HCN1: variants seen among roughly 807,000 people sequenced by gnomAD.
The protein encoded by HCN1 is potassium/sodium hyperpolarization-activated cyclic nucleotide-gated channel 1.
In HCN1, 13 loss-of-function variants were observed where a neutral mutation model predicts 78.9. The ratio of observed to expected loss-of-function variants is 0.16; its 90% CI spans 0.11 to 0.26. The LOEUF (loss-of-function observed/expected upper bound fraction) is 0.26. HCN1 is among the 10% of genes least tolerant of loss of function. The pLI is 1.00. For synonymous variants in HCN1, 552 were observed against 455.5 expected (o/e 1.21, Z -2.70); for missense variants, 810 against 1,154.3 (o/e 0.70, Z 4.32).
chr5:45,616,438 T>G lies in HCN1; in HGVS notation c.849+28747A>C, dbSNP rs144874884. ...ACAAGGACAATAAACACTAATATCA[T>G]GTACTGATTTGGCTCCTGTATGTTA... On this transcript the variant is annotated intron_variant, in intron 2 of 7. Transcript: ENST00000303230. Among the ~76,000 whole-genome samples the G allele has an allele frequency of 8.8e-3, 1,333 of 152,140 alleles. 10 individuals are homozygous for G. Among genetic ancestry groups the G allele is most frequent in the Admixed American group, 0.015 (222 of 15,252 alleles).
intron 2 of HCN1, among the ~76,000 whole-genome samples, chr5:45,620,897 T>A (rs1305884368): frequency 6.6e-6 from 1 of 152,182 alleles, no homozygotes; most frequent in African/African-American, 2.4e-5. Context: ...GCATCTCTTA[T>A]GTGCCAGGCA....
At chr5:45,454,491 A>AAAAAAAAATAAAAAAAAAT (rs1740985092) in intron 3 of HCN1, among the ~76,000 whole-genome samples, 2 of 149,446 alleles carry the variant, frequency 1.3e-5, no homozygotes, top group East Asian at 4.0e-4. Context: ...AAAAAAAAAT[A>AAAAAAAAATAAAAAAAAAT]AAAAAAAATA....
chr5:45,532,065 A>C (rs1032699962), intron 2 of HCN1, among the ~76,000 whole-genome samples: 1 of 152,122 alleles, frequency 6.6e-6, no homozygotes, highest in African/African-American at 2.4e-5. Flanking sequence ...CAACCAAACA[A>C]AAGACATTTC....
intron 2 of HCN1, among the ~76,000 whole-genome samples, chr5:45,508,330 T>G (rs554090012): frequency 6.6e-6 from 1 of 151,968 alleles, no homozygotes; most frequent in Non-Finnish European, 1.5e-5. Flanking sequence ...ATCCAGGCTA[T>G]CCTCAATGTT....
intron 3 of HCN1, among the ~76,000 whole-genome samples, chr5:45,401,150 GT>G (rs1739795765): frequency 6.6e-6 from 1 of 152,112 alleles, no homozygotes; most frequent in South Asian, 2.1e-4. Context: ...AAGATTTTCA[GT>G]TTGATTTTAA....
At chr5:45,375,944 A>T (rs562455124) in intron 4 of HCN1, among the ~76,000 whole-genome samples, 44 of 115,916 alleles carry the variant, frequency 3.8e-4, no homozygotes, top group South Asian at 5.1e-4. Context: ...ATATTTTATC[A>T]CATATATTAT....
rs563934030 is a variant in HCN1, at chr5:45,272,584, C to T, written c.1619-5331G>A. ...TTACAGTGAATAAACATAAAACCCA[C>T]ACTAAGTTATCTTCTTAAGTTTTGG... On this transcript the variant is annotated intron_variant, in intron 6 of 7. Transcript: ENST00000303230. Among the ~76,000 whole-genome samples, 3 of 152,154 alleles carry T rather than the reference C, an allele frequency of 2.0e-5. No homozygotes were observed. The South Asian group carries it at 6.2e-4, about 31-fold the overall frequency.
chr5:45,497,094 A>C (rs1262673953), intron 2 of HCN1, among the ~76,000 whole-genome samples: 3 of 152,168 alleles, frequency 2.0e-5, no homozygotes, highest in East Asian at 1.9e-4. Context: ...CTGTTCTTTA[A>C]ATTTGCTGAG....
chr5:45,374,125 AAT>A (rs1469923590), intron 4 of HCN1, among the ~76,000 whole-genome samples: 1 of 106,200 alleles, frequency 9.4e-6, no homozygotes, highest in African/African-American at 3.7e-5. Context: ...TAATATATAT[AAT>A]ATATATTATA....
intron 2 of HCN1, among the ~76,000 whole-genome samples, chr5:45,493,169 A>G (rs1482790542): frequency 6.6e-6 from 1 of 152,116 alleles, no homozygotes; most frequent in African/African-American, 2.4e-5. Flanking sequence ...TTGCAGCTCA[A>G]CTGATTCTGG....
intron 6 of HCN1, among the ~76,000 whole-genome samples, chr5:45,281,835 G>A (rs1745176136): frequency 6.6e-6 from 1 of 151,522 alleles, no homozygotes. Flanking sequence ...CTCATGATCT[G>A]CCTGCCTCAG....
At chr5:45,538,616 T>TA (rs1743020761) in intron 2 of HCN1, among the ~76,000 whole-genome samples, 1 of 152,192 alleles carries the variant, frequency 6.6e-6, no homozygotes, top group Non-Finnish European at 1.5e-5. Context: ...TGAGTTTATT[T>TA]ACTTCATTTG....
At chr5:45,379,707 T>A (rs1747765174) in intron 4 of HCN1, among the ~76,000 whole-genome samples, 1 of 152,104 alleles carries the variant, frequency 6.6e-6, no homozygotes, top group Admixed American at 6.6e-5. Context: ...AATATTTTCA[T>A]GGAATGCATA....
chr5:45,606,207 G>A, intron 2 of HCN1, among the ~76,000 whole-genome samples: 1 of 151,890 alleles, frequency 6.6e-6, no homozygotes, highest in East Asian at 1.9e-4. Flanking sequence ...ATTAAACCTA[G>A]TGAAAAATAG....
intron 2 of HCN1, among the ~76,000 whole-genome samples, chr5:45,496,243 G>C (rs933777817): frequency 6.6e-6 from 1 of 151,846 alleles, no homozygotes; most frequent in African/African-American, 2.4e-5. Flanking sequence ...GACTCTTTTT[G>C]GTTGGTAAAC....
intron 5 of HCN1, among the ~76,000 whole-genome samples, chr5:45,343,654 C>A (rs529798837): frequency 6.6e-6 from 1 of 152,188 alleles, no homozygotes; most frequent in Admixed American, 6.5e-5. Flanking sequence ...AAAATGACTT[C>A]ATTATATAAT....
chr5:45,634,629 C>A (rs1745327161), intron 2 of HCN1, among the ~76,000 whole-genome samples: 1 of 151,952 alleles, frequency 6.6e-6, no homozygotes, highest in African/African-American at 2.4e-5. Context: ...TAATTACTGG[C>A]ACTCCTTGGT....
rs1441397858 is a variant in HCN1 at position 45,514,497 on chromosome 5, C to A, written c.850-52490G>T. Among the ~76,000 whole-genome samples, 4 of 152,082 alleles carry A rather than the reference C, an allele frequency of 2.6e-5. No individual in the cohort carries two copies. The South Asian group carries it at 8.3e-4, about 32-fold the overall frequency. The stretch of plus-strand genomic sequence containing the variant: ...TCAAATAAAAATTAAGACCAAATTT[C>A]TTGCCGAGTTCAAAACCTGGTACAA... On this transcript the variant is annotated intron_variant, in intron 2 of 7. Transcript: ENST00000303230.
intron 2 of HCN1, among the ~76,000 whole-genome samples, chr5:45,626,306 A>G (rs1745162192): frequency 6.6e-6 from 1 of 152,196 alleles, no homozygotes; most frequent in African/African-American, 2.4e-5. Flanking sequence ...TCTTCTGAAT[A>G]TTGACGTGGA....
Sources: allele counts gnomAD v4.1 joint callset (sites outside exome capture counted in the v4.1 genomes callset), GRCh38; gene constraint gnomAD v4.1.1; transcripts MANE v1.5; gene names NCBI Gene and HGNC (gene_info 2026-07-23, HGNC 2026-07-21).